Variants in PCMT1 observed in about 807,000 individuals in gnomAD.
The protein encoded by PCMT1 is protein-L-isoaspartate (D-aspartate) O-methyltransferase, also known as protein-L-isoaspartate(D-aspartate) O-methyltransferase.
A neutral mutation model predicts 29.2 loss-of-function variants in PCMT1; 9 were observed. The observed-to-expected ratio is 0.31, with a 90% CI of 0.19 to 0.54. The LOEUF is 0.54. PCMT1 is among the 20% of genes least tolerant of loss of function. The pLI, the probability that PCMT1 is intolerant of heterozygous loss-of-function variation, is 0.95. For missense variants in PCMT1, 184 were observed against 282.2 expected (o/e 0.65, Z 2.49); for synonymous variants, 98 against 97.5 (o/e 1.00, Z -0.03).
At chr6:149,750,099 C>A (rs1786241600) in intron 1 of PCMT1, 143 bp downstream of exon 1, 1 of 1,210,484 alleles carries the variant, frequency 8.3e-7, no homozygotes, top group Non-Finnish European at 1.1e-6. Flanking sequence ...TAGTCCCGAA[C>A]GGCGTGCGCT....
rs529057717 is a variant in PCMT1, at chr6:149,772,907, C to G, written c.161-231C>G. On this transcript the variant is annotated intron_variant, in intron 2 of 7. Transcript: ENST00000464889. ...TGGTGGGGGCCTGTAGTCCCAGCTA[C>G]TCGGGAGGCTGAGGCAGTAGAATGG... Among the ~76,000 whole-genome samples the G allele has an allele frequency of 8.6e-5, 13 of 151,424 alleles. No individual in the cohort carries two copies. The East Asian group carries it at 2.3e-3, about 27-fold the overall frequency.
At chr6:149,791,444 G>T (rs1325690878) in intron 4 of PCMT1, among the ~76,000 whole-genome samples, 2 of 152,212 alleles carry the variant, frequency 1.3e-5, no homozygotes, top group African/African-American at 4.8e-5. Flanking sequence ...TCATTGCTTA[G>T]ATCATCACAT....
chr6:149,771,903 T>C, intron 2 of PCMT1: 1 of 445,804 alleles, frequency 2.2e-6, no homozygotes, highest in Admixed American at 2.5e-5. Context: ...TAAAGATTAG[T>C]TTTCAGGTTA....
intron 1 of PCMT1, among the ~76,000 whole-genome samples, chr6:149,756,512 CTTTTTTTTTTTTTTTTTT>C (rs61038108): frequency 2.7e-5 from 2 of 74,720 alleles, no homozygotes; most frequent in Admixed American, 1.5e-4. Context: ...CCATGACTGG[CTTTTTTTTTTTTTTTTTT>C]TTTTTTTTTT....
rs769695500 is a variant in PCMT1 at position 149,793,670 on chromosome 6, G to T, written c.418+1G>T. 1 of 1,531,168 alleles carries T rather than the reference G, an allele frequency of 6.5e-7. No individual in the cohort carries two copies. The allele number at this position is 1,531,168 out of a possible 1,614,324, so 94.8% of individuals were successfully genotyped here. On this transcript the variant is annotated splice_donor_variant, in intron 5 of 7. Coordinates refer to ENST00000464889, the MANE Select transcript of PCMT1 (RefSeq NM_001360452.2). LOFTEE classifies it high-confidence loss of function. ...TCTTCAGGGAGAGTACAGCTTGTTG[G>T]TAAGTATCAGAAAACTTTAAAAATT...
intron 3 of PCMT1, among the ~76,000 whole-genome samples, chr6:149,774,768 G>C (rs958032456): frequency 7.6e-5 from 11 of 144,214 alleles, no homozygotes; most frequent in African/African-American, 1.3e-4. Flanking sequence ...GTGCAGTGGC[G>C]CCATCTTGGC....
chr6:149,764,886 A>T (rs1055260835), intron 1 of PCMT1, among the ~76,000 whole-genome samples: 12 of 151,264 alleles, frequency 7.9e-5, no homozygotes, highest in African/African-American at 2.9e-4. Flanking sequence ...CTAAAAATAC[A>T]AAAAATTAGC....
chr6:149,788,923 T>C (rs1788233695), intron 3 of PCMT1, among the ~76,000 whole-genome samples: 1 of 152,200 alleles, frequency 6.6e-6, no homozygotes, highest in Non-Finnish European at 1.5e-5. Flanking sequence ...ATTATGTATC[T>C]ATATATTTGT....
chr6:149,799,673 A>T (rs1480274068), intron 6 of PCMT1, among the ~76,000 whole-genome samples: 5 of 152,232 alleles, frequency 3.3e-5, no homozygotes. Context: ...AGATAGTAGG[A>T]AAAACCAAAA....
At chr6:149,787,883 G>A (rs1788190642) in intron 3 of PCMT1, among the ~76,000 whole-genome samples, 1 of 151,844 alleles carries the variant, frequency 6.6e-6, no homozygotes, top group Admixed American at 6.6e-5. Flanking sequence ...TGAGCTCTTT[G>A]AGGGTAAATT....
At chr6:149,810,229 G>C (rs1480427728) in intron 7 of PCMT1, 2 of 163,504 alleles carry the variant, frequency 1.2e-5, no homozygotes, top group Non-Finnish European at 2.6e-5. Flanking sequence ...CCACATTTCT[G>C]TCCAATTTTG....
intron 3 of PCMT1, 134 bp from the exon 4 acceptor site, chr6:149,789,820 G>A (rs1056449844): frequency 3.2e-5 from 16 of 494,012 alleles, no homozygotes; most frequent in African/African-American, 2.9e-4. Context: ...TAATACCTGG[G>A]CAGATAGCCA....
chr6:149,802,417 G>T lies in PCMT1; in HGVS notation c.*37+1G>T. The T allele has an allele frequency of 6.4e-7, 1 of 1,561,766 alleles. No individual in the cohort carries two copies. ...CTCTTTCTTCTTCCACACATGCAAG[G>T]TGAAAGGGTGTGGATTTTAAGACAT... is the stretch of plus-strand genomic sequence containing the variant. On this transcript the variant is annotated splice_donor_variant, in intron 7 of 7. Transcript: ENST00000464889. LOFTEE classifies it low-confidence loss of function (3UTR_SPLICE).
chr6:149,787,383 T>C (rs1788161989), intron 3 of PCMT1, among the ~76,000 whole-genome samples: 3 of 151,438 alleles, frequency 2.0e-5, no homozygotes, highest in Admixed American at 2.0e-4. Context: ...TTTTTTTTTT[T>C]TGAGACGGAA....
Position 149,758,208 on chromosome 6 carries a change from C to CTTTCTTTTTTTTTTTT in PCMT1, c.55+8255_55+8256insCTTTTTTTTTTTTTTT, listed in dbSNP as rs1554251094. Among the ~76,000 whole-genome samples, 169 of 73,872 alleles carry CTTTCTTTTTTTTTTTT rather than the reference C, an allele frequency of 2.3e-3. 10 individuals carry two copies. Among genetic ancestry groups the CTTTCTTTTTTTTTTTT allele is most frequent in the African/African-American group, 8.5e-3 (160 of 18,866 alleles). 48.5% of individuals were successfully genotyped at this position (73,872 alleles called of 152,430 possible). A position where few individuals can be genotyped will look rare whatever the true frequency, so the allele number is the denominator to read the frequency against. On this transcript the variant is annotated intron_variant, in intron 1 of 7. Coordinates refer to ENST00000464889, the MANE Select transcript of PCMT1 (RefSeq NM_001360452.2). ...CAATTTTTTTTTTCTTTCTTTCTTTCTTTTTTTTTTTTTTTTTTCTGAGAC... is the reference window on the plus strand; with the variant it reads ...CAATTTTTTTTTTCTTTCTTTCTTTCTTTCTTTTTTTTTTTTTTTTTTTTTTTTTTTTTTCTGAGAC...
chr6:149,772,660 G>A, intron 2 of PCMT1: 1 of 435,210 alleles, frequency 2.3e-6, no homozygotes, highest in South Asian at 1.7e-5. Flanking sequence ...AATTTTAACT[G>A]CTGGGTGACA....
rs550256047 is a variant in PCMT1 at position 149,805,368 on chromosome 6, C to T, written c.*37+2952C>T. Among the ~76,000 whole-genome samples, 5 of 151,896 alleles carry T rather than the reference C, an allele frequency of 3.3e-5. No individual in the cohort carries two copies. The South Asian group carries it at 1.0e-3, about 32-fold the overall frequency. ...CAGCACTTTGGGAGGCCAAGGCGGG[C>T]AGATCACAAGGTCAGGAGATCGAGA... On this transcript the variant is annotated intron_variant, in intron 7 of 7. Coordinates refer to ENST00000464889, the MANE Select transcript of PCMT1 (RefSeq NM_001360452.2).
chr6:149,787,833 GTGTGTGTGTGTA>G (rs1315994879), intron 3 of PCMT1, among the ~76,000 whole-genome samples: 1 of 151,874 alleles, frequency 6.6e-6, no homozygotes, highest in Non-Finnish European at 1.5e-5. Context: ...CTGTGTGTGT[GTGTGTGTGTGTA>G]TGTGTGTGTA....
chr6:149,794,759 T>TA, intron 5 of PCMT1: 1 of 471,004 alleles, frequency 2.1e-6, no homozygotes, highest in Non-Finnish European at 4.2e-6. Context: ...GAAAGGGGAA[T>TA]ACAGGAGTAA....
Sources: allele counts gnomAD v4.1 joint callset (sites outside exome capture counted in the v4.1 genomes callset), GRCh38; gene constraint gnomAD v4.1.1; transcripts MANE v1.5; gene names NCBI Gene and HGNC (gene_info 2026-07-23, HGNC 2026-07-21).